Variants in PASK observed in about 807,000 individuals in gnomAD.
The protein encoded by PASK is PAS domain-containing serine/threonine-protein kinase.
A neutral mutation model predicts 121.0 loss-of-function variants in PASK; 110 were observed. That is an observed-to-expected ratio of 0.91 (90% CI 0.78 to 1.06). The LOEUF is 1.06. Among genes scored for constraint, PASK ranks in the 50% least tolerant of loss-of-function variants. The pLI is 0.00. For synonymous variants in PASK, 686 were observed against 717.8 expected (o/e 0.96, Z 0.71); for missense variants, 1,643 against 1,702.3 (o/e 0.97, Z 0.61).
At position 241,139,903 on chromosome 2, in the gene PASK, C is replaced by A; in HGVS notation, c.582G>T (p.Ala194=). The change falls in exon 4 of 18, where the codon GCG becomes GCT. Residue 194 remains alanine (A), a synonymous_variant. Coordinates refer to ENST00000234040, the MANE Select transcript of PASK (RefSeq NM_015148.4). ...EEHMEADGHA[A]VVFGTVVDII... ...CACTCACCACCGTGCCAAACACCAC[C>A]GCAGCGTGGCCGTCGGCCTCCATGT... 5 of 1,614,172 alleles carry A rather than the reference C, an allele frequency of 3.1e-6. No individual in the cohort carries two copies. Among genetic ancestry groups the A allele is most frequent in the African/African-American group, 1.3e-5 (1 of 75,068 alleles).
At chr2:241,139,805 TG>T in intron 4 of PASK, 79 bp downstream of exon 4, 1 of 1,349,114 alleles carries the variant, frequency 7.4e-7, no homozygotes, top group Non-Finnish European at 1.1e-6. Flanking sequence ...GCAGAGCTCC[TG>T]GTAGGGAACA....
At position 241,135,897 on chromosome 2, in the gene PASK, C is replaced by A; in HGVS notation, c.1280G>T (p.Gly427Val). 3.1e-6 allele frequency: 5 copies of A among 1,614,148 alleles called. No homozygotes were observed. Among genetic ancestry groups the A allele is most frequent in the Non-Finnish European group, 4.2e-6 (5 of 1,180,002 alleles). Residue 427 changes from glycine to valine, a missense_variant, in exon 8 of 18, where the codon GGC (glycine) becomes GTC (valine). By Grantham distance (109) the Gly-to-Val change is moderately radical. Coordinates refer to ENST00000234040, the MANE Select transcript of PASK (RefSeq NM_015148.4). ...CTGGCCCCCCTCAGCTGGGTCCTGG[C>A]CCTGCCACGGGTCCAAGGTTCTCTC... ...CGERTLDPWQ[G>V]QDPAEGGQDP...
chr2:241,133,667 G>C (rs548195406), intron 8 of PASK: 57 of 160,330 alleles, frequency 3.6e-4, no homozygotes, highest in African/African-American at 1.3e-3. Context: ...GGTTACATGA[G>C]AGAAAGCAGC....
intron 12 of PASK, among the ~76,000 whole-genome samples, chr2:241,117,868 A>G (rs933760571): frequency 3.3e-5 from 5 of 152,232 alleles, no homozygotes; most frequent in African/African-American, 9.6e-5. Flanking sequence ...TTCCTGGAAA[A>G]ACTGGCAACG....
Position 241,112,693 on chromosome 2 carries a change from TTC to T in PASK, c.3334-256_3334-255del. 2.2e-6 allele frequency: 1 copy of T among 454,574 alleles called. No homozygotes were observed. Among genetic ancestry groups the T allele is most frequent in the Non-Finnish European group, 4.0e-6 (1 of 249,778 alleles). The allele number at this position is 454,574 out of a possible 1,614,324, so 28.2% of individuals were successfully genotyped here. On this transcript the variant is annotated intron_variant, in intron 14 of 17. Coordinates refer to ENST00000234040, the MANE Select transcript of PASK (RefSeq NM_015148.4). The surrounding 1 kb of genome is among the most constrained non-coding windows in gnomAD (Gnocchi z 5.2). ...TGGCAACATCAATGAGACTCGTGAG[TTC>T]TGTTTGCTGCTGAGAAAAGCTTCCC...
rs755458742 is a variant in PASK, at chr2:241,126,236, G to A, written c.2679C>T (p.Ala893=). ...AGLQREIQEG[A]YSGSCYHRDG... The stretch of plus-strand genomic sequence containing the variant: ...CTCGATGGTAGCAGCTCCCGGAGTA[G>A]GCACCCTCCTGGATCTCCCGCTGCA... The change falls in exon 10 of 18, where the codon GCC becomes GCT. Residue 893 remains alanine, a synonymous_variant. Coordinates refer to ENST00000234040, the MANE Select transcript of PASK (RefSeq NM_015148.4). The A allele has an allele frequency of 3.1e-6, 5 of 1,613,946 alleles. No homozygotes were observed. The highest frequency in any genetic ancestry group is 3.4e-6 in the Non-Finnish European group (4 of 1,180,016).
At chr2:241,137,292 A>G (rs34053314) in intron 6 of PASK, 28 bp from the exon 7 acceptor site, 2 of 1,609,094 alleles carry the variant, frequency 1.2e-6, no homozygotes, top group East Asian at 4.5e-5. Context: ...CGTTTGGCTT[A>G]AGCCGTGTTT....
At chr2:241,129,518 A>C (rs2066028343) in intron 9 of PASK, among the ~76,000 whole-genome samples, 1 of 152,214 alleles carries the variant, frequency 6.6e-6, no homozygotes, top group Non-Finnish European at 1.5e-5. Flanking sequence ...GGAAAACCAC[A>C]AACAGCTTCT....
At chr2:241,131,881 C>T (rs1238052527) in intron 9 of PASK, among the ~76,000 whole-genome samples, 1 of 151,072 alleles carries the variant, frequency 6.6e-6, no homozygotes. Context: ...TAGTGAAACC[C>T]CGCCTCTAGT....
rs1484413565 is a variant in PASK, at chr2:241,126,470, C to T, written c.2445G>A (p.Glu815=). The change falls in exon 10 of 18, where the codon GAG becomes GAA. Residue 815 remains glutamate, a synonymous_variant. Coordinates refer to ENST00000234040, the MANE Select transcript of PASK (RefSeq NM_015148.4). ...CTGTTGGATCATGTCCCACACAGCT[C>T]TCCCGGAACCGTCGGCCTTGGCCAA... ...VDLGQGRRFR[E]SCVGHDPTEP... The T allele has an allele frequency of 6.2e-7, 1 of 1,614,236 alleles. No individual in the cohort carries two copies. Among genetic ancestry groups the T allele is most frequent in the Non-Finnish European group, 8.5e-7 (1 of 1,180,032 alleles).
intron 1 of PASK, among the ~76,000 whole-genome samples, chr2:241,148,792 G>A (rs1339895588): frequency 2.0e-5 from 3 of 152,216 alleles, no homozygotes; most frequent in Non-Finnish European, 4.4e-5. Flanking sequence ...GAAAGATGAA[G>A]AGAGGGAACC....
At chr2:241,107,329 T>G in intron 17 of PASK, 24 bp downstream of exon 17, 1 of 1,607,922 alleles carries the variant, frequency 6.2e-7, no homozygotes. Context: ...TCATGTGGGG[T>G]GGAGGGATGC....
chr2:241,125,512 A>AT (rs2065811474), intron 10 of PASK, among the ~76,000 whole-genome samples: 1 of 150,592 alleles, frequency 6.6e-6, no homozygotes, highest in South Asian at 2.1e-4. Flanking sequence ...AGGCAGGAGA[A>AT]TGGCATGAAC....
chr2:241,128,419 C>G (rs2065974380), intron 9 of PASK, among the ~76,000 whole-genome samples: 1 of 152,236 alleles, frequency 6.6e-6, no homozygotes. Flanking sequence ...ACAGTCCAGA[C>G]AGGATGATCA....
intron 1 of PASK, among the ~76,000 whole-genome samples, chr2:241,148,018 AAC>A (rs2125463476): frequency 6.6e-6 from 1 of 152,324 alleles, no homozygotes; most frequent in African/African-American, 2.4e-5. Context: ...CTCAAGAAAG[AAC>A]AGAGTCTGGC....
chr2:241,123,727 C>A (rs533770815), intron 11 of PASK, among the ~76,000 whole-genome samples: 1 of 150,888 alleles, frequency 6.6e-6, no homozygotes, highest in South Asian at 2.1e-4. Context: ...CTGAGGCGGG[C>A]GAATCACTTG....
chr2:241,118,773 C>T (rs923753739), intron 12 of PASK: 5 of 322,368 alleles, frequency 1.6e-5, no homozygotes, highest in African/African-American at 6.5e-5. Flanking sequence ...GGGCCCACGG[C>T]GCAGGGCAGA....
chr2:241,108,267 C>T lies in PASK; in HGVS notation c.3567G>A (p.Leu1189=). The T allele has an allele frequency of 6.2e-7, 1 of 1,614,080 alleles. No individual in the cohort carries two copies. The highest frequency in any genetic ancestry group is 8.5e-7 in the Non-Finnish European group (1 of 1,179,942). ...AGACCAGCGTGTACAGAGTGACTCC[C>T]AGAGACCACATCTCCAGCTCCGGCC... is the stretch of plus-strand genomic sequence containing the variant. ...YRGPELEMWS[L]GVTLYTLVFE... is the part of the protein sequence containing the mutation. The change falls in exon 16 of 18, where the codon CTG becomes CTA. Residue 1189 remains leucine (L), a synonymous_variant. Coordinates refer to ENST00000234040, the MANE Select transcript of PASK (RefSeq NM_015148.4). This position sits in a 1 kb window ranked among gnomAD's most constrained non-coding sequence, Gnocchi z 5.2.
chr2:241,147,454 CA>C (rs546742865), intron 1 of PASK, among the ~76,000 whole-genome samples: 20 of 148,384 alleles, frequency 1.3e-4, no homozygotes, highest in Non-Finnish European at 2.1e-4. Context: ...CCCATCTCTA[CA>C]AAAAAAAAAT....
Sources: gnomAD v4.1 joint callset for allele counts (sites outside exome capture counted in the v4.1 genomes callset) on GRCh38, gnomAD v4.1.1 for gene constraint, Gnocchi (gnomAD v3.1) non-coding constraint, MANE v1.5 for transcripts, NCBI Gene and HGNC (gene_info 2026-07-23, HGNC 2026-07-21) for gene names.